The following EPB41L4A variants were observed in gnomAD, a reference collection of about 807,000 sequenced individuals.
EPB41L4A encodes the protein band 4.1-like protein 4A.
Under a neutral mutation model 108.6 loss-of-function variants are expected in EPB41L4A, and 100 were observed. The observed-to-expected ratio is 0.92, with a 90% CI of 0.78 to 1.09. The LOEUF is 1.09. Ranked by LOEUF, EPB41L4A falls within the 50% of genes least tolerant of loss-of-function variation. The pLI is 0.00. For missense variants in EPB41L4A, 1,030 were observed against 842.7 expected (o/e 1.22, Z -2.75); for synonymous variants, 319 against 289.0 (o/e 1.10, Z -1.05).
intron 15 of EPB41L4A, among the ~76,000 whole-genome samples, chr5:112,198,813 T>C (rs1437221151): frequency 2.0e-5 from 3 of 152,094 alleles, no homozygotes; most frequent in Non-Finnish European, 2.9e-5. Context: ...TACCTTTGTA[T>C]TGATAGAAAT....
At chr5:112,411,384 A>C (rs1291968156) in intron 1 of EPB41L4A, among the ~76,000 whole-genome samples, 2 of 152,170 alleles carry the variant, frequency 1.3e-5, no homozygotes, top group African/African-American at 2.4e-5. Context: ...CACTTCTAAC[A>C]ACCACTCATA....
intron 18 of EPB41L4A, 132 bp from the exon 19 acceptor site, chr5:112,171,124 G>A: frequency 2.7e-6 from 2 of 749,450 alleles, no homozygotes; most frequent in Middle Eastern, 3.3e-4. Context: ...AGACTGGACA[G>A]GGAGAGCCAT....
Position 112,205,452 on chromosome 5 carries a change from G to A in EPB41L4A, c.1231C>T (p.His411Tyr). 1.2e-6 allele frequency: 2 copies of A among 1,613,982 alleles called. No homozygotes were observed. Among genetic ancestry groups the A allele is most frequent in the Non-Finnish European group, 1.7e-6 (2 of 1,179,936 alleles). Residue 411 changes from histidine (H) to tyrosine (Y), a missense_variant, in exon 14 of 23, where the codon CAT becomes TAT. His to Tyr is a moderately conservative substitution (Grantham distance 83). Coordinates refer to ENST00000261486, the MANE Select transcript of EPB41L4A (RefSeq NM_022140.5). ...GGGCCATTTTCTTCCCACGGTGCAT[G>A]AGATTTGCTTCTTTGGGTATCAGGG... Reference protein sequence around the residue: ...NSPDTQRSKSHAPWEENGPQS... With the variant: ...NSPDTQRSKSYAPWEENGPQS...
chr5:112,245,064 T>TA (rs775174099), intron 9 of EPB41L4A, among the ~76,000 whole-genome samples: 82 of 131,776 alleles, frequency 6.2e-4, no homozygotes, highest in African/African-American at 1.4e-3. Flanking sequence ...CTTCAATTTG[T>TA]AAAAAAAACA....
At chr5:112,329,294 A>T (rs1393785737) in intron 1 of EPB41L4A, among the ~76,000 whole-genome samples, 1 of 152,230 alleles carries the variant, frequency 6.6e-6, no homozygotes, top group East Asian at 1.9e-4. Context: ...TGAAAATTTT[A>T]AAATTACAGA....
rs371840827 is a variant in EPB41L4A at position 112,235,874 on chromosome 5, G to T, written c.966-1119C>A. Among the ~76,000 whole-genome samples, 3 of 152,198 alleles carry T rather than the reference G, an allele frequency of 2.0e-5. No homozygotes were observed. The South Asian group carries it at 6.2e-4, about 32-fold the overall frequency. ...AACAGTTCATGGAAATTCGGGAGGG[G>T]AGAGGAGCAAACTGACAGATTTTCT... On this transcript the variant is annotated intron_variant, in intron 11 of 22. Transcript: ENST00000261486.
intron 12 of EPB41L4A, among the ~76,000 whole-genome samples, chr5:112,155,053 AG>A (rs146250478): frequency 0.012 from 1,811 of 152,316 alleles, 22 homozygotes; most frequent in Middle Eastern, 0.041. Flanking sequence ...AACTGAAATC[AG>A]TAGTTTAAAA....
chr5:112,245,106 C>CAAA (rs201980289), intron 9 of EPB41L4A, among the ~76,000 whole-genome samples: 2 of 104,064 alleles, frequency 1.9e-5, no homozygotes, highest in Non-Finnish European at 4.2e-5. Context: ...AAGTGAAGTG[C>CAAA]AAAAAAAAAA....
At chr5:112,300,735 T>C (rs1053013350) in intron 2 of EPB41L4A, among the ~76,000 whole-genome samples, 2 of 152,208 alleles carry the variant, frequency 1.3e-5, no homozygotes, top group African/African-American at 2.4e-5. Context: ...CCCCCAAATA[T>C]GTTTTCCAAA....
At chr5:112,365,149 T>A (rs183388071) in intron 1 of EPB41L4A, among the ~76,000 whole-genome samples, 79 of 152,292 alleles carry the variant, frequency 5.2e-4, no homozygotes, top group African/African-American at 1.7e-3. Flanking sequence ...GGGATCTTAA[T>A]AGGCCTGAAT....
intron 18 of EPB41L4A, among the ~76,000 whole-genome samples, chr5:112,178,823 T>A (rs1487526560): frequency 6.6e-6 from 1 of 151,666 alleles, no homozygotes; most frequent in African/African-American, 2.4e-5. Context: ...GTAGAAAGGT[T>A]TAAAATAAAT....
At chr5:112,344,101 T>C (rs1027367822) in intron 1 of EPB41L4A, among the ~76,000 whole-genome samples, 1 of 152,166 alleles carries the variant, frequency 6.6e-6, no homozygotes, top group Non-Finnish European at 1.5e-5. Flanking sequence ...GATAATATTA[T>C]AGGAATTATT....
intron 2 of EPB41L4A, among the ~76,000 whole-genome samples, chr5:112,300,193 G>C (rs1157836516): frequency 6.6e-6 from 1 of 151,714 alleles, no homozygotes; most frequent in Admixed American, 6.6e-5. Flanking sequence ...TGTGCTATTT[G>C]TTGCCTGTAT....
intron 2 of EPB41L4A, among the ~76,000 whole-genome samples, chr5:112,286,256 A>AG (rs1753270115): frequency 6.6e-6 from 1 of 151,938 alleles, no homozygotes; most frequent in Non-Finnish European, 1.5e-5. Flanking sequence ...TAATATCTAC[A>AG]GGAAAAAAAA....
intron 7 of EPB41L4A, among the ~76,000 whole-genome samples, chr5:112,261,127 T>C (rs184021554): frequency 2.0e-5 from 3 of 152,356 alleles, no homozygotes; most frequent in East Asian, 3.9e-4. Flanking sequence ...TCTACAGTTT[T>C]AGCAGTATTC....
intron 1 of EPB41L4A, among the ~76,000 whole-genome samples, chr5:112,376,624 C>T (rs1420292399): frequency 6.6e-6 from 1 of 152,130 alleles, no homozygotes; most frequent in East Asian, 1.9e-4. Context: ...AAATGATAAA[C>T]AACCCACACA....
chr5:112,240,702 T>C lies in EPB41L4A; in HGVS notation c.887+17A>G. On this transcript the variant is annotated intron_variant, in intron 10 of 22. Transcript: ENST00000261486. The stretch of plus-strand genomic sequence containing the variant: ...TCATTTATTAAGACAACAAACAAAA[T>C]TTTTACATCAATTTACCTAAAAAAT... 1 of 1,455,102 alleles carries C rather than the reference T, an allele frequency of 6.9e-7. No individual in the cohort carries two copies. Among genetic ancestry groups the C allele is most frequent in the Non-Finnish European group, 9.2e-7 (1 of 1,081,522 alleles). The allele number at this position is 1,455,102 out of a possible 1,614,324, so 90.1% of individuals were successfully genotyped here.
At chr5:112,292,999 G>A (rs979888465) in intron 2 of EPB41L4A, among the ~76,000 whole-genome samples, 55 of 152,052 alleles carry the variant, frequency 3.6e-4, no homozygotes, top group Admixed American at 1.3e-4. Flanking sequence ...TAACTAAGAA[G>A]GTATGGGTCA....
In EPB41L4A at chr5:112,234,660, T is replaced by C; in HGVS notation, c.1061A>G (p.Lys354Arg). ...VTRSRSKTYP[K>R]RIAQTQPAES... ...AGCTGGCTGTGTTTGTGCTATTCGCTTAGGGTAAGTCTTGCTTCGACTTCT... is the reference window on the plus strand; with the variant it reads ...AGCTGGCTGTGTTTGTGCTATTCGCCTAGGGTAAGTCTTGCTTCGACTTCT... The change falls in exon 12 of 23, where the codon AAG (lysine) becomes AGG (arginine). Residue 354 changes from lysine to arginine, a missense_variant. By Grantham distance (26) the Lys-to-Arg change is conservative. Coordinates refer to ENST00000261486, the MANE Select transcript of EPB41L4A (RefSeq NM_022140.5). 1 of 1,613,570 alleles carries C rather than the reference T, an allele frequency of 6.2e-7. No homozygotes were observed. The highest frequency in any genetic ancestry group is 8.5e-7 in the Non-Finnish European group (1 of 1,179,612).
Sources: gnomAD v4.1 joint callset for allele counts (sites outside exome capture counted in the v4.1 genomes callset) on GRCh38, gnomAD v4.1.1 for gene constraint, MANE v1.5 for transcripts, NCBI Gene and HGNC (gene_info 2026-07-23, HGNC 2026-07-21) for gene names.